NAPA: variants seen among roughly 807,000 people sequenced by gnomAD.
The protein encoded by NAPA is alpha-soluble NSF attachment protein.
In NAPA, 18 loss-of-function variants were observed where a neutral mutation model predicts 48.0. That is an observed-to-expected ratio of 0.38 (90% CI 0.26 to 0.56). The LOEUF (loss-of-function observed/expected upper bound fraction) is 0.56. Among genes scored for constraint, NAPA ranks in the 20% least tolerant of loss-of-function variants. The pLI, the probability that NAPA is intolerant of heterozygous loss-of-function variation, is 0.77. For synonymous variants in NAPA, 152 were observed against 149.9 expected, an observed-to-expected ratio of 1.01 and a Z score of -0.10; for missense variants, 315 against 385.0, an observed-to-expected ratio of 0.82 and a Z score of 1.52.
intron 3 of NAPA, among the ~76,000 whole-genome samples, chr19:47,500,192 G>A (rs1416745167): frequency 6.6e-6 from 1 of 152,208 alleles, no homozygotes; most frequent in African/African-American, 2.4e-5. Flanking sequence ...AGGGAAGCCA[G>A]GTTGGGCTAA....
At chr19:47,492,579 C>T in intron 7 of NAPA, 1 of 414,182 alleles carries the variant, frequency 2.4e-6, no homozygotes, top group South Asian at 2.0e-5. Flanking sequence ...GACACTCCCT[C>T]CCTCCCACTG....
At chr19:47,512,260 C>A (rs1968818606) in intron 1 of NAPA, among the ~76,000 whole-genome samples, 1 of 152,074 alleles carries the variant, frequency 6.6e-6, no homozygotes. Flanking sequence ...CTCTGTTGCA[C>A]CATCCCTGCT....
At chr19:47,507,030 GA>G (rs1568470404) in intron 1 of NAPA, 3 of 152,274 alleles carry the variant, frequency 2.0e-5, no homozygotes, top group African/African-American at 7.2e-5. Flanking sequence ...AACAGTACAC[GA>G]AAGGAAAATC....
At chr19:47,503,400 G>A (rs1968624884) in intron 2 of NAPA, 23 bp downstream of exon 2, 4 of 1,606,438 alleles carry the variant, frequency 2.5e-6, no homozygotes, top group Non-Finnish European at 3.4e-6. Context: ...CACCTTGGAG[G>A]AGCTCTAGCG....
chr19:47,492,387 C>G (rs1968294642), intron 7 of NAPA: 2 of 482,186 alleles, frequency 4.1e-6, no homozygotes, highest in South Asian at 2.3e-5. Context: ...GAGCCTGAGA[C>G]AGTGGGAAGG....
intron 1 of NAPA, among the ~76,000 whole-genome samples, chr19:47,507,472 C>T (rs544676870): frequency 1.7e-4 from 26 of 152,268 alleles, no homozygotes; most frequent in East Asian, 1.4e-3. Flanking sequence ...CTGCAGCTCC[C>T]GAAGGACCTC....
chr19:47,500,544 C>T (rs192197628), intron 3 of NAPA, 89 bp downstream of exon 3: 59 of 1,126,628 alleles, frequency 5.2e-5, no homozygotes, highest in Non-Finnish European at 6.6e-5. Flanking sequence ...CTGGAAAAAC[C>T]AGAGCCGCCA....
At chr19:47,510,071 G>C (rs2122779936) in intron 1 of NAPA, among the ~76,000 whole-genome samples, 1 of 152,366 alleles carries the variant, frequency 6.6e-6, no homozygotes, top group African/African-American at 2.4e-5. Context: ...TCCACTCTGA[G>C]ACTGGGCAAG....
chr19:47,503,263 G>C lies in NAPA; in HGVS notation c.178+160C>G, dbSNP rs186013073. ...ATGACCCAGAGTATAAAGTAACCCA[G>C]CAGGCACAAAACAAGAGAGCAGGCC... On this transcript the variant is annotated intron_variant, in intron 2 of 10. Coordinates refer to ENST00000263354, the MANE Select transcript of NAPA (RefSeq NM_003827.4). 333 of 663,234 alleles carry C rather than the reference G, an allele frequency of 5.0e-4. 1 individual carries two copies. The East Asian group carries it at 8.8e-3, about 18-fold the overall frequency. The allele number at this position is 663,234 out of a possible 1,614,324, so 41.1% of individuals were successfully genotyped here.
At chr19:47,496,992 G>A (rs1429050346) in intron 3 of NAPA, 2 of 334,402 alleles carry the variant, frequency 6.0e-6, no homozygotes, top group African/African-American at 4.4e-5. Flanking sequence ...TGGAAACGGT[G>A]GCAAAAAGGG....
At chr19:47,500,858 A>T (rs955203525) in intron 2 of NAPA, 109 bp from the exon 3 acceptor site, 1 of 796,282 alleles carries the variant, frequency 1.3e-6, no homozygotes, top group Non-Finnish European at 1.9e-6. Context: ...ATGCGGAAAG[A>T]GTCCCCAAGA....
downstream of NAPA, among the ~76,000 whole-genome samples, chr19:47,484,776 C>T (rs1371651409): frequency 6.8e-6 from 1 of 148,124 alleles, no homozygotes; most frequent in African/African-American, 2.5e-5. Flanking sequence ...GCGATCTCGG[C>T]TCACTGCAAC....
intron 1 of NAPA, 102 bp from the exon 2 acceptor site, chr19:47,503,604 C>T (rs888427610): frequency 1.8e-6 from 2 of 1,093,512 alleles, no homozygotes; most frequent in South Asian, 1.3e-5. Flanking sequence ...CCCTACCCCT[C>T]ACCCTTCACC....
At position 47,506,071 on chromosome 19, in the gene NAPA, T is replaced by C. The variant is rs1415345071; in HGVS notation, c.99-2569A>G. Among the ~76,000 whole-genome samples the C allele has an allele frequency of 2.0e-5, 3 of 151,286 alleles. No individual in the cohort carries two copies. The highest frequency in any genetic ancestry group is 4.4e-5 in the Non-Finnish European group (3 of 67,788). On this transcript the variant is annotated intron_variant, in intron 1 of 10. Transcript: ENST00000263354. This position sits in a 1 kb window ranked among gnomAD's most constrained non-coding sequence, Gnocchi z 4.0. ...GGAGTACAGTGGCACGATCTCAGCT[T>C]ACTGCAACCTCCAACTCCCGGGTTC...
Position 47,514,961 on chromosome 19 carries a change from G to C in NAPA, c.-21C>G, listed in dbSNP as rs762988442. The C allele has an allele frequency of 5.0e-6, 8 of 1,611,520 alleles. No homozygotes were observed. In the South Asian group the frequency reaches 6.6e-5, roughly 13 times the overall value. ...TCCATGGCGGCCACAAAGGGACTCA[G>C]CAAAGCGCCTGACCCTGACCCTGGG... On this transcript the variant is annotated 5_prime_UTR_variant, in exon 1 of 11. Transcript: ENST00000263354.
At chr19:47,507,653 C>G (rs961584991) in intron 1 of NAPA, among the ~76,000 whole-genome samples, 1 of 152,186 alleles carries the variant, frequency 6.6e-6, no homozygotes, top group African/African-American at 2.4e-5. Flanking sequence ...TCCTAGGGCC[C>G]GTCACATGCC....
downstream of NAPA, among the ~76,000 whole-genome samples, chr19:47,485,315 C>A (rs1179444136): frequency 6.6e-6 from 1 of 152,196 alleles, no homozygotes; most frequent in South Asian, 2.1e-4. Context: ...TAGAGAGAAT[C>A]AAATGGAGGC....
intron 1 of NAPA, among the ~76,000 whole-genome samples, chr19:47,513,403 C>A (rs193163767): frequency 6.6e-6 from 1 of 152,190 alleles, no homozygotes; most frequent in Admixed American, 6.5e-5. Context: ...TGTAACTCCA[C>A]GCCAGGCTCA....
intron 1 of NAPA, among the ~76,000 whole-genome samples, chr19:47,513,241 T>G (rs1321171831): frequency 6.6e-6 from 1 of 152,198 alleles, no homozygotes; most frequent in Admixed American, 6.5e-5. Context: ...CAGCTCCTCT[T>G]AGCACACTCA....
Sources: gnomAD v4.1 joint callset for allele counts (sites outside exome capture counted in the v4.1 genomes callset) on GRCh38, gnomAD v4.1.1 for gene constraint, Gnocchi (gnomAD v3.1) non-coding constraint, MANE v1.5 for transcripts, NCBI Gene and HGNC (gene_info 2026-07-23, HGNC 2026-07-21) for gene names.